The following KCNN3 variants were observed in gnomAD, a reference collection of about 807,000 sequenced individuals.
The protein encoded by KCNN3 is small conductance calcium-activated potassium channel protein 3.
Under a neutral mutation model 62.9 loss-of-function variants are expected in KCNN3, and 16 were observed. The observed-to-expected ratio is 0.25, with a 90% confidence interval of 0.17 to 0.39. The LOEUF is 0.39. Ranked by LOEUF, KCNN3 falls within the 10% of genes least tolerant of loss-of-function variation. The pLI, the probability that KCNN3 is intolerant of heterozygous loss-of-function variation, is 1.00. For missense variants in KCNN3, 599 were observed against 949.4 expected (o/e 0.63, Z 4.85); for synonymous variants, 370 against 389.2 (o/e 0.95, Z 0.58).
chr1:154,845,714 G>A (rs930126683), intron 1 of KCNN3, among the ~76,000 whole-genome samples: 10 of 152,104 alleles, frequency 6.6e-5, no homozygotes, highest in Non-Finnish European at 1.0e-4. Flanking sequence ...CCCTAGGGCC[G>A]TGCCCCAGCC....
At chr1:154,863,401 GT>G (rs775143908) in intron 1 of KCNN3, among the ~76,000 whole-genome samples, 8 of 152,150 alleles carry the variant, frequency 5.3e-5, no homozygotes, top group Non-Finnish European at 1.0e-4. Flanking sequence ...TCCTTTTGGG[GT>G]TTTGAAAGAA....
chr1:154,786,912 G>A (rs939976117), intron 2 of KCNN3, among the ~76,000 whole-genome samples: 2 of 152,208 alleles, frequency 1.3e-5, no homozygotes, highest in African/African-American at 4.8e-5. Flanking sequence ...GGCCATTCTT[G>A]GAGGAAAAAT....
intron 1 of KCNN3, 94 bp downstream of exon 1, chr1:154,868,938 A>ATC (rs1491020642): frequency 1.7e-5 from 16 of 931,406 alleles, no homozygotes; most frequent in African/African-American, 3.1e-5. Flanking sequence ...CTCTCTCTCA[A>ATC]TCTCTCTCTC....
At position 154,803,756 on chromosome 1, in the gene KCNN3, G is replaced by A. The variant is rs114808666; in HGVS notation, c.1029+18333C>T. On this transcript the variant is annotated intron_variant, in intron 2 of 7. Coordinates refer to ENST00000271915, the MANE Select transcript of KCNN3 (RefSeq NM_002249.6). ...GATTCCTACAGTTGCCCGCCACACC[G>A]GCCAGCAAGCTGTTAATCTGAGCGA... is the stretch of plus-strand genomic sequence containing the variant. Among the ~76,000 whole-genome samples, 801 of 152,302 alleles carry A rather than the reference G, an allele frequency of 5.3e-3. 9 individuals are homozygous for A. The highest frequency in any genetic ancestry group is 0.018 in the African/African-American group (747 of 41,546).
At chr1:154,861,537 C>T (rs1652773138) in intron 1 of KCNN3, among the ~76,000 whole-genome samples, 1 of 152,152 alleles carries the variant, frequency 6.6e-6, no homozygotes, top group African/African-American at 2.4e-5. Context: ...TGCCCCCTCT[C>T]CCCGGGCTTC....
intron 1 of KCNN3, among the ~76,000 whole-genome samples, chr1:154,866,866 GC>G (rs369127614): frequency 1.1e-4 from 17 of 152,190 alleles, no homozygotes; most frequent in African/African-American, 2.2e-4. Context: ...CTCTGGGAAA[GC>G]CCCTTTCCCT....
rs16836395 is a variant in KCNN3 at position 154,810,975 on chromosome 1, T to G, written c.1029+11114A>C. Among the ~76,000 whole-genome samples the G allele has an allele frequency of 7.3e-3, 1,119 of 152,344 alleles. 18 individuals carry two copies. Among genetic ancestry groups the G allele is most frequent in the East Asian group, 0.043 (224 of 5,186 alleles). ...CTGTGGACACATCTCTTACCTTCTCTGCTTCAGTTGCTTTATCTATAAAGG... is the reference window on the plus strand; with the variant it reads ...CTGTGGACACATCTCTTACCTTCTCGGCTTCAGTTGCTTTATCTATAAAGG... On this transcript the variant is annotated intron_variant, in intron 2 of 7. Coordinates refer to ENST00000271915, the MANE Select transcript of KCNN3 (RefSeq NM_002249.6).
chr1:154,793,371 G>A (rs984804713), intron 2 of KCNN3, among the ~76,000 whole-genome samples: 6 of 152,126 alleles, frequency 3.9e-5, no homozygotes, highest in Non-Finnish European at 8.8e-5. Context: ...TACACCTGGA[G>A]TTTCATCCCT....
Position 154,697,666 on chromosome 1 carries a change from A to C in KCNN3, c.*10310T>G, listed in dbSNP as rs1399120650. 6.6e-6 allele frequency: 1 copy of C among 152,268 alleles called. No homozygotes were observed. The highest frequency in any genetic ancestry group is 1.5e-5 in the Non-Finnish European group (1 of 68,112). The allele number at this position is 152,268 out of a possible 1,614,324, so 9.4% of individuals were successfully genotyped here. ...AATGCAGTCTCCCATCCAGATCCTC[A>C]GACCCACACACCAGCCCACCACTCT... On this transcript the variant is annotated 3_prime_UTR_variant, in exon 8 of 8. Coordinates refer to ENST00000271915, the MANE Select transcript of KCNN3 (RefSeq NM_002249.6).
Position 154,789,889 on chromosome 1 carries a change from TTTTGTTTG to T in KCNN3, c.1030-17504_1030-17497del, listed in dbSNP as rs150262043. ...GCCCCAGGTTAGGAATGCTTGCTTTTTTTGTTTGTTTGTTTGTTTGTTTGTTTGTTTTG... is the reference window on the plus strand; with the variant it reads ...GCCCCAGGTTAGGAATGCTTGCTTTTTTTGTTTGTTTGTTTGTTTGTTTTG... On this transcript the variant is annotated intron_variant, in intron 2 of 7. Transcript: ENST00000271915. 3.7e-4 allele frequency among the ~76,000 whole-genome samples: 56 copies of T among 150,902 alleles called. No homozygotes were observed. In the East Asian group the frequency reaches 4.5e-3, roughly 12 times the overall value.
At chr1:154,859,276 T>C in intron 1 of KCNN3, among the ~76,000 whole-genome samples, 1 of 152,210 alleles carries the variant, frequency 6.6e-6, no homozygotes, top group East Asian at 1.9e-4. Context: ...CAAAAGGGGT[T>C]TTGCTCTGCA....
intron 1 of KCNN3, among the ~76,000 whole-genome samples, chr1:154,825,366 T>C (rs1490001655): frequency 4.9e-5 from 2 of 40,918 alleles, no homozygotes; most frequent in African/African-American, 1.5e-4. Context: ...TGAGAATCAT[T>C]TTTTTTTTTT....
chr1:154,790,556 T>A (rs945707900), intron 2 of KCNN3, among the ~76,000 whole-genome samples: 3 of 152,204 alleles, frequency 2.0e-5, no homozygotes, highest in Non-Finnish European at 4.4e-5. Flanking sequence ...CTGTATCAGT[T>A]GCTGACCCTC....
In KCNN3 at chr1:154,698,080, A is replaced by G. The variant is rs190439823; in HGVS notation, c.*9896T>C. On this transcript the variant is annotated 3_prime_UTR_variant, in exon 8 of 8. Transcript: ENST00000271915. ...GTTTTTGGAGGAAGAGCTTTAAGGAATGACAGCAGTAGAAATGCAGCTAGA... is the reference window on the plus strand; with the variant it reads ...GTTTTTGGAGGAAGAGCTTTAAGGAGTGACAGCAGTAGAAATGCAGCTAGA... 4.7e-4 allele frequency: 71 copies of G among 152,356 alleles called. No homozygotes were observed. The highest frequency in any genetic ancestry group is 1.7e-3 in the African/African-American group (70 of 41,592). The allele number at this position is 152,356 out of a possible 1,614,324, so 9.4% of individuals were successfully genotyped here. A position where few individuals can be genotyped will look rare whatever the true frequency, so the allele number is the denominator to read the frequency against.
intron 4 of KCNN3, among the ~76,000 whole-genome samples, chr1:154,729,755 T>C (rs1250801037): frequency 6.6e-6 from 1 of 152,216 alleles, no homozygotes; most frequent in Non-Finnish European, 1.5e-5. Context: ...GAGAAGCTCA[T>C]CTTCTAAAAC....
At chr1:154,768,315 C>T (rs1427397332) in intron 3 of KCNN3, among the ~76,000 whole-genome samples, 1 of 152,224 alleles carries the variant, frequency 6.6e-6, no homozygotes, top group Non-Finnish European at 1.5e-5. Flanking sequence ...CATTGGGAAA[C>T]AGAATGATCA....
At chr1:154,735,273 A>T (rs1229152105) in intron 3 of KCNN3, among the ~76,000 whole-genome samples, 2 of 152,308 alleles carry the variant, frequency 1.3e-5, no homozygotes. Context: ...GCCCTAGCAG[A>T]TTCCCGCGAG....
At chr1:154,731,583 G>A (rs12095297) in intron 4 of KCNN3, among the ~76,000 whole-genome samples, 2,242 of 152,342 alleles carry the variant, frequency 0.015, 57 homozygotes, top group African/African-American at 0.051. Context: ...CTCAGACCCT[G>A]CAGGAAGACC....
Position 154,705,067 on chromosome 1 carries a change from G to T in KCNN3, c.*2909C>A. The stretch of plus-strand genomic sequence containing the variant: ...ATTACAGGCATGAGCCACCGCACCT[G>T]GCTATATATACCAGATTCTTGAGCA... On this transcript the variant is annotated 3_prime_UTR_variant, in exon 8 of 8. Transcript: ENST00000271915. 6.6e-6 allele frequency: 1 copy of T among 152,238 alleles called. No homozygotes were observed. Among genetic ancestry groups the T allele is most frequent in the Non-Finnish European group, 1.5e-5 (1 of 68,058 alleles). 9.4% of individuals were successfully genotyped at this position (152,238 alleles called of 1,614,324 possible).
Sources: allele counts gnomAD v4.1 joint callset (sites outside exome capture counted in the v4.1 genomes callset), GRCh38; gene constraint gnomAD v4.1.1; transcripts MANE v1.5; gene names NCBI Gene and HGNC (gene_info 2026-07-23, HGNC 2026-07-21).